The following PAN2 variants were observed in gnomAD, a reference collection of about 807,000 sequenced individuals.
PAN2 encodes the protein PAN2-PAN3 deadenylation complex catalytic subunit PAN2.
PAN2 carries 68 observed loss-of-function variants against 133.3 expected under a neutral mutation model. The observed-to-expected ratio is 0.51, with a 90% confidence interval of 0.42 to 0.62. PAN2 has a LOEUF of 0.62. Ranked by LOEUF, PAN2 falls within the 20% of genes least tolerant of loss-of-function variation. The pLI, the probability that PAN2 is intolerant of heterozygous loss-of-function variation, is 0.00. For missense variants in PAN2, 1,042 were observed against 1,500.5 expected (o/e 0.69, Z 5.05); for synonymous variants, 462 against 544.6 (o/e 0.85, Z 2.11).
rs376925389 is a variant in PAN2, at chr12:56,325,358, T to C, written c.1456A>G (p.Met486Val). 1.6e-5 allele frequency: 26 copies of C among 1,614,026 alleles called. No individual in the cohort carries two copies. Among genetic ancestry groups the C allele is most frequent in the African/African-American group, 6.7e-5 (5 of 74,898 alleles). ...ACCTTGCGGTATTTCTTAGAAACCA[T>C]GTGGAGATGTGGTTCCTCTTCTCGT... ...VGREEEPHLH[M>V]VSKKYRKVTI... Residue 486 changes from methionine (M) to valine (V), a missense_variant, in exon 9 of 26, where the codon ATG becomes GTG. Physicochemically the swap from Met to Val is conservative, Grantham distance 21. Around this residue, in one of 3 missense-constraint regions of PAN2, gnomAD observed 908 missense variants for 1,223.5 expected, o/e 0.74. Transcript: ENST00000440411.
Position 56,317,408 on chromosome 12 carries a change from A to G in PAN2, c.*201T>C, listed in dbSNP as rs769711859. ...TACCACTGTTTTGCAAAGAATGAAG[A>G]AGGAATGAATCTGGCTCCTAGAACC... is the stretch of plus-strand genomic sequence containing the variant. On this transcript the variant is annotated 3_prime_UTR_variant, in exon 26 of 26. Coordinates refer to ENST00000440411, the MANE Select transcript of PAN2 (RefSeq NM_014871.6). 3.3e-6 allele frequency: 2 copies of G among 601,256 alleles called. No homozygotes were observed. The highest frequency in any genetic ancestry group is 1.9e-5 in the African/African-American group (1 of 53,830). The allele number at this position is 601,256 out of a possible 1,614,324, so 37.2% of individuals were successfully genotyped here. A position where few individuals can be genotyped will look rare whatever the true frequency, so the allele number is the denominator to read the frequency against.
At chr12:56,327,317 C>T (rs576071793) in intron 6 of PAN2, 47 bp downstream of exon 6, 1 of 1,595,666 alleles carries the variant, frequency 6.3e-7, no homozygotes, top group African/African-American at 1.3e-5. Context: ...TTCTAGCTCT[C>T]CTTTGCTCAT....
At chr12:56,324,222 A>G in intron 12 of PAN2, 37 bp from the exon 13 acceptor site, 1 of 1,612,078 alleles carries the variant, frequency 6.2e-7, no homozygotes, top group Non-Finnish European at 8.5e-7. Flanking sequence ...ACATTGAGGA[A>G]GTTAGGAGAC....
chr12:56,318,704 T>C, intron 24 of PAN2: 1 of 449,470 alleles, frequency 2.2e-6, no homozygotes, highest in Non-Finnish European at 3.9e-6. Context: ...ATTTTTTATA[T>C]TTAAATTTTA....
Position 56,325,093 on chromosome 12 carries a change from G to A in PAN2, c.1515C>T (p.Asp505=). The part of the protein sequence containing the change: ...TIKYSKLGLE[D]FDFKHYNKTL... ...TCTTATTGTAGTGTTTGAAGTCAAAGTCCTCCAGCCCTAGCTTGGAATATT... is the reference window on the plus strand; with the variant it reads ...TCTTATTGTAGTGTTTGAAGTCAAAATCCTCCAGCCCTAGCTTGGAATATT... The change falls in exon 10 of 26, where the codon GAC becomes GAT. Residue 505 remains aspartate, a synonymous_variant. Transcript: ENST00000440411. The A allele has an allele frequency of 6.2e-7, 1 of 1,613,876 alleles. No homozygotes were observed. The highest frequency in any genetic ancestry group is 1.1e-5 in the South Asian group (1 of 91,080).
In PAN2 at chr12:56,319,935, G is replaced by C. The variant is rs187297132; in HGVS notation, c.2875C>G (p.Leu959Val). The change falls in exon 21 of 26, where the codon CTG becomes GTG. Residue 959 changes from leucine to valine, a missense_variant. Transcript: ENST00000440411. The surrounding 1 kb of genome is among the most constrained non-coding windows in gnomAD (Gnocchi z 5.4). Reference protein sequence around the residue: ...QRKTHTTFIPLMLNEMPQIGD... With the variant: ...QRKTHTTFIPVMLNEMPQIGD... ...ATCTGTGGCATCTCATTCAGCATCA[G>C]TGGAATAAAGGTAGTATGTGTTTTC... 1.9e-5 allele frequency: 31 copies of C among 1,614,212 alleles called. No individual in the cohort carries two copies. The highest frequency in any genetic ancestry group is 3.3e-4 in the Middle Eastern group (2 of 6,062).
Position 56,324,370 on chromosome 12 carries a change from G to T in PAN2, c.1852C>A (p.Arg618Ser). The T allele has an allele frequency of 6.2e-7, 1 of 1,614,164 alleles. No homozygotes were observed. Among genetic ancestry groups the T allele is most frequent in the South Asian group, 1.1e-5 (1 of 91,068 alleles). Residue 618 changes from arginine to serine, a missense_variant, in exon 12 of 26, where the codon CGC becomes AGC. By Grantham distance (110) the Arg-to-Ser change is moderately radical. Transcript: ENST00000440411. ...NLARLIQRWN[R>S]FILTQLHQDM... ...TGATGCAGTTGAGTGAGAATGAAGC[G>T]ATTCCACCTCTGAATGAGCCTGGCC...
Position 56,326,895 on chromosome 12 carries a change from A to G in PAN2, c.984T>C (p.Pro328=), listed in dbSNP as rs750403199. Residue 328 remains proline, a synonymous_variant, in exon 7 of 26, where the codon CCT becomes CCC. Transcript: ENST00000440411. ...ANPADIFHVN[P]VGPLLMTFDV... Reference sequence around the variant, plus strand: ...CAAATGTCATTAGCAGAGGCCCCACAGGATTCACATGAAAGATATCGGCTG... The same window carrying G: ...CAAATGTCATTAGCAGAGGCCCCACGGGATTCACATGAAAGATATCGGCTG... 1.9e-6 allele frequency: 3 copies of G among 1,614,122 alleles called. No homozygotes were observed. Among genetic ancestry groups the G allele is most frequent in the East Asian group, 4.5e-5 (2 of 44,898 alleles).
chr12:56,322,202 A>C, intron 19 of PAN2, 34 bp from the exon 20 acceptor site: 1 of 1,354,800 alleles, frequency 7.4e-7, no homozygotes, highest in Non-Finnish European at 1.1e-6. Flanking sequence ...TGGCTAATGT[A>C]TATCACCCTT....
chr12:56,318,373 C>T lies in PAN2; in HGVS notation c.3426G>A (p.Leu1142=), dbSNP rs769936942. 1.9e-6 allele frequency: 3 copies of T among 1,614,026 alleles called. No homozygotes were observed. In the South Asian group the frequency reaches 3.3e-5, roughly 18 times the overall value. Residue 1142 remains leucine (L), a synonymous_variant, in exon 25 of 26, where the codon CTG becomes CTA. Transcript: ENST00000440411. The stretch of plus-strand genomic sequence containing the variant: ...TGCTTAGCTCCAGATACTTTCGGTA[C>T]AGCTGAAGGGCTGTGCGGGCATCCT... ...SIEDARTALQ[L]YRKYLELSKN...
At chr12:56,321,544 T>A (rs1418064940) in intron 20 of PAN2, among the ~76,000 whole-genome samples, 1 of 138,862 alleles carries the variant, frequency 7.2e-6, no homozygotes, top group Non-Finnish European at 1.5e-5. Context: ...CTAGGCTAAT[T>A]AAAAAAAAAA....
At chr12:56,327,756 GA>G in intron 5 of PAN2, 125 bp from the exon 6 acceptor site, 1 of 1,305,706 alleles carries the variant, frequency 7.7e-7, no homozygotes. Flanking sequence ...TTAAAGCACA[GA>G]AAAGGCAAAC....
At position 56,325,359 on chromosome 12, in the gene PAN2, G is replaced by A. The variant is rs367924101; in HGVS notation, c.1455C>T (p.His485=). 1.9e-6 allele frequency: 3 copies of A among 1,614,052 alleles called. No individual in the cohort carries two copies. In the African/African-American group the frequency reaches 4.0e-5, roughly 22 times the overall value. Residue 485 remains histidine, a synonymous_variant, in exon 9 of 26, where the codon CAC becomes CAT. Transcript: ENST00000440411. The stretch of plus-strand genomic sequence containing the variant: ...CCTTGCGGTATTTCTTAGAAACCAT[G>A]TGGAGATGTGGTTCCTCTTCTCGTC... ...PVGREEEPHL[H]MVSKKYRKVT...
At position 56,317,585 on chromosome 12, in the gene PAN2, G is replaced by A. The variant is rs1201676541; in HGVS notation, c.*24C>T. 5 of 1,608,832 alleles carry A rather than the reference G, an allele frequency of 3.1e-6. No homozygotes were observed. Among genetic ancestry groups the A allele is most frequent in the East Asian group, 2.2e-5 (1 of 44,846 alleles). On this transcript the variant is annotated 3_prime_UTR_variant, in exon 26 of 26. Coordinates refer to ENST00000440411, the MANE Select transcript of PAN2 (RefSeq NM_014871.6). ...GGCTATAGAACAGTAAAGGGAGAGG[G>A]CCGTGGTTCTTTGGGAAGGGTAGTC...
Position 56,324,176 on chromosome 12 carries a change from G to A in PAN2, c.1938C>T (p.Cys646=). 1 of 1,613,884 alleles carries A rather than the reference G, an allele frequency of 6.2e-7. No homozygotes were observed. Among genetic ancestry groups the A allele is most frequent in the Non-Finnish European group, 8.5e-7 (1 of 1,180,024 alleles). ...GCCCAATAACAGAGTCCCCCGATGA[G>A]CAAAAGCTGCTAAGAGTGGAGAGGA... ...AYRGAGGSSF[C]SSGDSVIGQL... The change falls in exon 13 of 26, where the codon TGC becomes TGT. Residue 646 remains cysteine, a synonymous_variant. Transcript: ENST00000440411.
chr12:56,329,643 T>C (rs1875519553), intron 2 of PAN2, among the ~76,000 whole-genome samples: 2 of 151,438 alleles, frequency 1.3e-5, no homozygotes, highest in Non-Finnish European at 2.9e-5. Flanking sequence ...TTTTGCTTCC[T>C]AAATATTTCC....
chr12:56,318,739 T>C (rs1245540751), intron 24 of PAN2, among the ~76,000 whole-genome samples: 1 of 152,186 alleles, frequency 6.6e-6, no homozygotes, highest in Non-Finnish European at 1.5e-5. Flanking sequence ...TACATGTGCA[T>C]GTTTGTTACA....
At chr12:56,325,846 T>G (rs767019034) in intron 8 of PAN2, among the ~76,000 whole-genome samples, 3 of 152,194 alleles carry the variant, frequency 2.0e-5, no homozygotes, top group Non-Finnish European at 4.4e-5. Flanking sequence ...ACTCATGTAG[T>G]CCCCCTCAGA....
chr12:56,327,483 A>G lies in PAN2; in HGVS notation c.800T>C (p.Leu267Pro), dbSNP rs776589009. 1 of 1,614,248 alleles carries G rather than the reference A, an allele frequency of 6.2e-7. No homozygotes were observed. Among genetic ancestry groups the G allele is most frequent in the South Asian group, 1.1e-5 (1 of 91,090 alleles). ...RLTGLACDRF[L>P]KVYDLRMMRA... The stretch of plus-strand genomic sequence containing the variant: ...CATCATGCGCAAATCATACACCTTG[A>G]GGAAACGGTCGCAGGCCAGGCCAGT... Residue 267 changes from leucine to proline, a missense_variant, in exon 6 of 26, where the codon CTC becomes CCC. Physicochemically the swap from Leu to Pro is moderately conservative, Grantham distance 98. Coordinates refer to ENST00000440411, the MANE Select transcript of PAN2 (RefSeq NM_014871.6).
Sources: gnomAD v4.1 joint callset for allele counts (sites outside exome capture counted in the v4.1 genomes callset) on GRCh38, gnomAD v4.1.1 for gene constraint, gnomAD v4.1.1 regional missense constraint, Gnocchi (gnomAD v3.1) non-coding constraint, MANE v1.5 for transcripts, NCBI Gene and HGNC (gene_info 2026-07-23, HGNC 2026-07-21) for gene names.